Variants in LRP1B observed in about 807,000 individuals in gnomAD.
LRP1B encodes LDL receptor related protein 1B, also known as low-density lipoprotein receptor-related protein 1B.
Under a neutral mutation model 556.6 loss-of-function variants are expected in LRP1B, and 217 were observed. The observed-to-expected ratio is 0.39, with a 90% CI of 0.35 to 0.44. The LOEUF is 0.44. Ranked by LOEUF, LRP1B falls within the 20% of genes least tolerant of loss-of-function variation. The pLI is 1.00. For synonymous variants in LRP1B, 2,047 were observed against 1,865.8 expected, an observed-to-expected ratio of 1.10 and a Z score of -2.50; for missense variants, 5,053 against 5,620.8, an observed-to-expected ratio of 0.90 and a Z score of 3.23.
intron 84 of LRP1B, among the ~76,000 whole-genome samples, chr2:140,285,380 C>T (rs1174783482): frequency 6.8e-6 from 1 of 147,988 alleles, no homozygotes; most frequent in Non-Finnish European, 1.5e-5. Flanking sequence ...TATATATACA[C>T]ACATATATAT....
intron 5 of LRP1B, among the ~76,000 whole-genome samples, chr2:141,239,325 G>T (rs1286451394): frequency 6.6e-6 from 1 of 152,064 alleles, no homozygotes; most frequent in Non-Finnish European, 1.5e-5. Flanking sequence ...AATAATGTAA[G>T]ATTCATTGAA....
rs758176963 is a variant in LRP1B at position 141,908,883 on chromosome 2, G to A, written c.83-98482C>T. Among the ~76,000 whole-genome samples the A allele has an allele frequency of 2.6e-5, 4 of 152,184 alleles. No individual in the cohort carries two copies. In the East Asian group the frequency reaches 7.7e-4, roughly 29 times the overall value. ...TACTATATGAAGTGAATTTGAGCAA[G>A]CCATTGAGGTTGGTCTTATTTTCAT... On this transcript the variant is annotated intron_variant, in intron 1 of 90. Transcript: ENST00000389484.
At chr2:141,809,554 G>A (rs906710945) in intron 2 of LRP1B, among the ~76,000 whole-genome samples, 5 of 151,832 alleles carry the variant, frequency 3.3e-5, no homozygotes, top group Admixed American at 2.0e-4. Flanking sequence ...AAAAAAGTGG[G>A]CCATATTTAG....
At chr2:140,746,382 T>A (rs1486818365) in intron 35 of LRP1B, among the ~76,000 whole-genome samples, 1 of 152,172 alleles carries the variant, frequency 6.6e-6, no homozygotes, top group African/African-American at 2.4e-5. Context: ...GCAAATAACT[T>A]TTTTATTCCT....
intron 62 of LRP1B, 90 bp downstream of exon 62, chr2:140,456,364 AT>A: frequency 8.0e-7 from 1 of 1,251,164 alleles, no homozygotes; most frequent in Admixed American, 2.4e-5. Flanking sequence ...CATCTCTACA[AT>A]GTATGGAATG....
chr2:141,563,224 G>A (rs748027451), intron 2 of LRP1B, among the ~76,000 whole-genome samples: 16 of 152,092 alleles, frequency 1.1e-4, no homozygotes, highest in East Asian at 1.9e-4. Flanking sequence ...GTTAAACTAC[G>A]GTAGCCGACA....
intron 40 of LRP1B, among the ~76,000 whole-genome samples, chr2:140,701,091 T>C (rs1358577720): frequency 6.6e-6 from 1 of 152,112 alleles, no homozygotes; most frequent in African/African-American, 2.4e-5. Flanking sequence ...CAATTTTAAG[T>C]GAAGATAAAA....
intron 53 of LRP1B, 36 bp downstream of exon 53, chr2:140,506,760 T>A (rs1387567734): frequency 6.3e-7 from 1 of 1,593,988 alleles, no homozygotes; most frequent in African/African-American, 1.4e-5. Context: ...ACTCTTAGCC[T>A]AGGAATCTCC....
At chr2:141,316,700 A>G (rs1687047554) in intron 3 of LRP1B, among the ~76,000 whole-genome samples, 1 of 152,228 alleles carries the variant, frequency 6.6e-6, no homozygotes, top group Non-Finnish European at 1.5e-5. Context: ...ATGGGAAAAG[A>G]TAATATATCC....
At chr2:141,722,311 G>A (rs1341363430) in intron 2 of LRP1B, among the ~76,000 whole-genome samples, 1 of 152,148 alleles carries the variant, frequency 6.6e-6, no homozygotes, top group Non-Finnish European at 1.5e-5. Context: ...CTGGGAGGTG[G>A]AGGTTGCAGT....
chr2:141,145,281 T>A (rs1162748362), intron 7 of LRP1B, among the ~76,000 whole-genome samples: 1 of 152,158 alleles, frequency 6.6e-6, no homozygotes, highest in East Asian at 1.9e-4. Flanking sequence ...TAAATTTAGC[T>A]TAGTTCTACG....
At chr2:141,178,176 A>G (rs1680823062) in intron 7 of LRP1B, among the ~76,000 whole-genome samples, 1 of 152,070 alleles carries the variant, frequency 6.6e-6, no homozygotes, top group African/African-American at 2.4e-5. Flanking sequence ...CCCCAGGGGC[A>G]GGATATTCCC....
chr2:140,946,387 G>T (rs1046661115), intron 20 of LRP1B, among the ~76,000 whole-genome samples: 5 of 152,126 alleles, frequency 3.3e-5, no homozygotes, highest in African/African-American at 1.2e-4. Flanking sequence ...ATCACCTGAA[G>T]TCAGGAGTTT....
Position 140,598,831 on chromosome 2 carries a change from T to C in LRP1B, c.6994A>G (p.Met2332Val), listed in dbSNP as rs1166599332. The C allele has an allele frequency of 1.1e-5, 18 of 1,575,562 alleles. No individual in the cohort carries two copies. The highest frequency in any genetic ancestry group is 1.5e-5 in the Non-Finnish European group (17 of 1,146,792). Residue 2332 changes from methionine to valine, a missense_variant, in exon 43 of 91, where the codon ATG becomes GTG. Met to Val is a conservative substitution (Grantham distance 21, BLOSUM62 1). Transcript: ENST00000389484. Reference protein sequence around the residue: ...VLALDECQNLMFWTNWNEQHP... With the variant: ...VLALDECQNLVFWTNWNEQHP... ...TGTTCATTCCAGTTGGTCCAAAACA[T>C]TAAACTAATTAAAATGAAAATTGTA...
intron 3 of LRP1B, among the ~76,000 whole-genome samples, chr2:141,464,494 G>A (rs1682084443): frequency 6.7e-6 from 1 of 149,210 alleles, no homozygotes; most frequent in Non-Finnish European, 1.5e-5. Flanking sequence ...CTCACTGCAA[G>A]CTCTGCCTCC....
At chr2:140,782,352 A>G (rs2104965328) in intron 32 of LRP1B, among the ~76,000 whole-genome samples, 1 of 152,278 alleles carries the variant, frequency 6.6e-6, no homozygotes, top group South Asian at 2.1e-4. Flanking sequence ...ACGAGGCCCC[A>G]TTAGGACGGA....
intron 7 of LRP1B, among the ~76,000 whole-genome samples, chr2:141,155,457 T>C (rs1051660875): frequency 7.0e-6 from 1 of 141,898 alleles, no homozygotes; most frequent in African/African-American, 2.5e-5. Context: ...TAATTTCCAT[T>C]TTTATTTTAT....
chr2:141,738,295 T>G (rs1041935067), intron 2 of LRP1B, among the ~76,000 whole-genome samples: 1 of 152,294 alleles, frequency 6.6e-6, no homozygotes, highest in African/African-American at 2.4e-5. Flanking sequence ...AATAGAGAAA[T>G]ACTTTCAACT....
Position 140,322,194 on chromosome 2 carries a change from T to TAATC in LRP1B, c.12515-110_12515-107dup. 3 of 1,095,598 alleles carry TAATC rather than the reference T, an allele frequency of 2.7e-6. No homozygotes were observed. The Admixed American group carries it at 7.3e-5, about 27-fold the overall frequency. The allele number at this position is 1,095,598 out of a possible 1,614,324, so 67.9% of individuals were successfully genotyped here. Reference sequence around the variant, plus strand: ...ATGATTAATTAGCAATGTTGAAAAGTAATCACATTAAATTTCCACTGATGT... The same window carrying TAATC: ...ATGATTAATTAGCAATGTTGAAAAGTAATCAATCACATTAAATTTCCACTGATGT... On this transcript the variant is annotated intron_variant, in intron 81 of 90. Coordinates refer to ENST00000389484, the MANE Select transcript of LRP1B (RefSeq NM_018557.3).
Sources: gnomAD v4.1 joint callset for allele counts (sites outside exome capture counted in the v4.1 genomes callset) on GRCh38, gnomAD v4.1.1 for gene constraint, MANE v1.5 for transcripts, NCBI Gene and HGNC (gene_info 2026-07-23, HGNC 2026-07-21) for gene names.